TUBGCP3: variants seen among roughly 807,000 people sequenced by gnomAD.
TUBGCP3 encodes gamma-tubulin complex component 3.
A neutral mutation model predicts 123.1 loss-of-function variants in TUBGCP3; 50 were observed. That is an observed-to-expected ratio of 0.41 (90% confidence interval 0.32 to 0.51). The LOEUF is 0.51. TUBGCP3 is among the 20% of genes least tolerant of loss of function. The probability of loss-of-function intolerance (pLI) is 0.36; values close to 1 mark genes in which losing one functional copy is unlikely to be tolerated. For missense variants in TUBGCP3, 882 were observed against 1,127.0 expected, an observed-to-expected ratio of 0.78 and a Z score of 3.11; for synonymous variants, 405 against 413.9, an observed-to-expected ratio of 0.98 and a Z score of 0.26.
At chr13:112,534,377 T>A (rs1241856213) in intron 11 of TUBGCP3, among the ~76,000 whole-genome samples, 1 of 152,110 alleles carries the variant, frequency 6.6e-6, no homozygotes, top group African/African-American at 2.4e-5. Flanking sequence ...AAACCCCATC[T>A]CTACTAAAAG....
At chr13:112,506,902 C>T (rs552179182) in intron 17 of TUBGCP3, among the ~76,000 whole-genome samples, 5 of 152,296 alleles carry the variant, frequency 3.3e-5, no homozygotes, top group South Asian at 4.1e-4. Context: ...TAGGTTTTAA[C>T]GCAGAGCTCA....
intron 18 of TUBGCP3, 63 bp downstream of exon 18, chr13:112,504,563 T>C (rs751242296): frequency 2.0e-4 from 216 of 1,069,698 alleles, no homozygotes; most frequent in Non-Finnish European, 2.8e-4. Context: ...TATATATATA[T>C]ACCATGTAAA....
chr13:112,549,199 G>C (rs1879332426), intron 8 of TUBGCP3, among the ~76,000 whole-genome samples: 1 of 152,146 alleles, frequency 6.6e-6, no homozygotes, highest in African/African-American at 2.4e-5. Context: ...CGTGGATGAA[G>C]CTGGAAACCA....
intron 16 of TUBGCP3, among the ~76,000 whole-genome samples, chr13:112,518,271 C>G (rs1876324048): frequency 1.3e-5 from 2 of 152,138 alleles, no homozygotes; most frequent in African/African-American, 4.8e-5. Context: ...TCTACCAGAA[C>G]CACTGAGAAG....
intron 18 of TUBGCP3, 24 bp from the exon 19 acceptor site, chr13:112,504,187 G>T (rs199549355): frequency 6.2e-7 from 1 of 1,613,656 alleles, no homozygotes; most frequent in African/African-American, 1.3e-5. Flanking sequence ...ATTTAAAGAC[G>T]CTAGATAAGC....
intron 8 of TUBGCP3, among the ~76,000 whole-genome samples, chr13:112,550,531 C>T (rs942746167): frequency 2.0e-5 from 3 of 152,216 alleles, no homozygotes; most frequent in Admixed American, 2.0e-4. Context: ...AGGGCTCCCG[C>T]TGGAGGTACC....
the TUBGCP3 span, among the ~76,000 whole-genome samples, chr13:112,593,565 C>T: frequency 6.6e-6 from 1 of 152,032 alleles, no homozygotes; most frequent in South Asian, 2.1e-4. Flanking sequence ...CCCAGCTACT[C>T]GGGAAGCTGA....
intron 3 of TUBGCP3, among the ~76,000 whole-genome samples, chr13:112,562,979 T>C (rs939878888): frequency 6.6e-6 from 1 of 152,202 alleles, no homozygotes; most frequent in Non-Finnish European, 1.5e-5. Context: ...ACCTGCACGC[T>C]GTTCCCTGCC....
intron 11 of TUBGCP3, among the ~76,000 whole-genome samples, chr13:112,540,426 T>C (rs1359239869): frequency 7.0e-6 from 1 of 141,896 alleles, no homozygotes; most frequent in Non-Finnish European, 1.5e-5. Context: ...TCAGGTGGTC[T>C]TGGGAAAGGA....
the TUBGCP3 span, among the ~76,000 whole-genome samples, chr13:112,600,078 T>A: frequency 6.6e-6 from 1 of 152,174 alleles, no homozygotes; most frequent in Non-Finnish European, 1.5e-5. Flanking sequence ...ACCCACTGTG[T>A]CATCTCTTCT....
At chr13:112,559,450 G>T in intron 3 of TUBGCP3, 51 bp from the exon 4 acceptor site, 1 of 1,420,060 alleles carries the variant, frequency 7.0e-7, no homozygotes, top group Non-Finnish European at 9.7e-7. Context: ...CTACTCTCCA[G>T]CCTTATTTTC....
intron 3 of TUBGCP3, 22 bp from the exon 4 acceptor site, chr13:112,559,421 T>C: frequency 6.3e-7 from 1 of 1,578,856 alleles, no homozygotes; most frequent in African/African-American, 1.3e-5. Flanking sequence ...AAAGTTAATA[T>C]TAAAAGAACG....
chr13:112,505,677 A>T (rs1881245902), intron 17 of TUBGCP3, among the ~76,000 whole-genome samples: 1 of 152,254 alleles, frequency 6.6e-6, no homozygotes, highest in Admixed American at 6.5e-5. Flanking sequence ...AGTAAAGAAA[A>T]GTGGGAGAGG....
Position 112,501,252 on chromosome 13 carries a change from T to C in TUBGCP3, c.2308-2067A>G, listed in dbSNP as rs528870652. Among the ~76,000 whole-genome samples the C allele has an allele frequency of 5.2e-5, 8 of 152,392 alleles. No homozygotes were observed. The South Asian group carries it at 1.4e-3, about 28-fold the overall frequency. On this transcript the variant is annotated intron_variant, in intron 19 of 21. Coordinates refer to ENST00000261965, the MANE Select transcript of TUBGCP3 (RefSeq NM_006322.6). The stretch of plus-strand genomic sequence containing the variant: ...GGTCTTAAATAAGCAACATAAAAGA[T>C]ACAGACGGTTTAATCTGTTGTTTTT...
intron 7 of TUBGCP3, among the ~76,000 whole-genome samples, chr13:112,554,631 G>A (rs932787268): frequency 3.9e-5 from 6 of 152,230 alleles, no homozygotes; most frequent in African/African-American, 1.4e-4. Context: ...ACAGCAGGAT[G>A]CAGAAATCAG....
At chr13:112,505,016 C>T (rs533511109) in intron 17 of TUBGCP3, among the ~76,000 whole-genome samples, 19 of 152,216 alleles carry the variant, frequency 1.2e-4, no homozygotes, top group African/African-American at 3.6e-4. Flanking sequence ...TTTATAATAA[C>T]GCAGTGCACT....
chr13:112,496,985 CAAA>C (rs60584662), intron 20 of TUBGCP3, among the ~76,000 whole-genome samples: 4 of 101,690 alleles, frequency 3.9e-5, no homozygotes, highest in Non-Finnish European at 6.2e-5. Context: ...GACTCCCTCT[CAAA>C]AAAAAAAAAA....
intron 20 of TUBGCP3, among the ~76,000 whole-genome samples, chr13:112,491,790 C>T (rs1880119707): frequency 6.6e-6 from 1 of 152,186 alleles, no homozygotes; most frequent in Non-Finnish European, 1.5e-5. Flanking sequence ...CCGGCCAGAA[C>T]TTCCCAATTT....
chr13:112,530,565 T>C (rs1877492380), intron 11 of TUBGCP3, among the ~76,000 whole-genome samples: 1 of 152,246 alleles, frequency 6.6e-6, no homozygotes, highest in Non-Finnish European at 1.5e-5. Context: ...GGAGGCCCGC[T>C]TTCTCAACCC....
Sources: allele counts gnomAD v4.1 joint callset (sites outside exome capture counted in the v4.1 genomes callset), GRCh38; gene constraint gnomAD v4.1.1; transcripts MANE v1.5; gene names NCBI Gene and HGNC (gene_info 2026-07-23, HGNC 2026-07-21).